Variants in DACH2 observed in about 807,000 individuals in gnomAD.
The protein encoded by DACH2 is dachshund family transcription factor 2, also known as dachshund homolog 2.
DACH2 carries 17 observed loss-of-function variants against 35.8 expected under a neutral mutation model. The ratio of observed to expected loss-of-function variants is 0.48; its 90% CI spans 0.33 to 0.71. The LOEUF (loss-of-function observed/expected upper bound fraction) is 0.71, where lower values mean the gene tolerates loss of function less well. Ranked by LOEUF, DACH2 falls within the 30% of genes least tolerant of loss-of-function variation. The pLI, the probability that DACH2 is intolerant of heterozygous loss-of-function variation, is 0.02. For synonymous variants in DACH2, 195 were observed against 177.3 expected (o/e 1.10, Z -0.79); for missense variants, 469 against 472.7 (o/e 0.99, Z 0.07).
intron 4 of DACH2, among the ~76,000 whole-genome samples, chrX:86,656,007 C>G (rs976063708): frequency 8.7e-5 from 9 of 103,181 alleles, no homozygotes; most frequent in African/African-American, 3.2e-4. Flanking sequence ...TTGTCCAGTG[C>G]GAAGAGACCA....
intron 5 of DACH2, among the ~76,000 whole-genome samples, chrX:86,705,567 A>T (rs2041206839): frequency 9.0e-6 from 1 of 111,320 alleles, no homozygotes; most frequent in African/African-American, 3.3e-5. Context: ...GCCAGAATGG[A>T]TATTATTAAA....
chrX:86,208,068 C>A (rs2032358813), intron 1 of DACH2, among the ~76,000 whole-genome samples: 2 of 110,363 alleles, frequency 1.8e-5, no homozygotes, highest in African/African-American at 6.6e-5. Context: ...TTCAGTCTGC[C>A]CTCTATAGTA....
chrX:86,334,118 G>A (rs1417609270), intron 1 of DACH2, among the ~76,000 whole-genome samples: 1 of 112,138 alleles, frequency 8.9e-6, no homozygotes, highest in Non-Finnish European at 1.9e-5. Flanking sequence ...GTATTCCATG[G>A]TGTATATGTG....
At chrX:86,309,499 A>G (rs2034755899) in intron 1 of DACH2, among the ~76,000 whole-genome samples, 1 of 111,820 alleles carries the variant, frequency 8.9e-6, no homozygotes, top group Admixed American at 9.5e-5. Context: ...ATTTTTGGAG[A>G]GCCCTTAGTC....
At chrX:86,759,600 C>A (rs1333893117) in intron 7 of DACH2, among the ~76,000 whole-genome samples, 1 of 104,823 alleles carries the variant, frequency 9.5e-6, no homozygotes, top group Non-Finnish European at 2.0e-5. Context: ...TAGTCTATAT[C>A]TTTTAAGTGA....
intron 3 of DACH2, among the ~76,000 whole-genome samples, chrX:86,619,024 C>T (rs1284240218): frequency 1.8e-5 from 2 of 112,154 alleles, no homozygotes; most frequent in African/African-American, 6.4e-5. Context: ...CTATTCATAT[C>T]AACTTGCAAT....
chrX:86,810,852 T>TAA (rs998854304), intron 7 of DACH2, among the ~76,000 whole-genome samples: 1 of 105,849 alleles, frequency 9.4e-6, no homozygotes, highest in African/African-American at 3.4e-5. Context: ...ACTGACTTTA[T>TAA]AAAAAAAAAA....
At chrX:86,395,106 C>A (rs1269092144) in intron 2 of DACH2, among the ~76,000 whole-genome samples, 2 of 111,436 alleles carry the variant, frequency 1.8e-5, no homozygotes, top group Non-Finnish European at 3.8e-5. Flanking sequence ...GTAAAAAGGG[C>A]AGTATCATAA....
At chrX:86,517,212 A>G (rs2038481998) in intron 3 of DACH2, among the ~76,000 whole-genome samples, 1 of 111,371 alleles carries the variant, frequency 9.0e-6, no homozygotes, top group Non-Finnish European at 1.9e-5. Context: ...ACTCGTCAGC[A>G]TGTTTTTTGA....
intron 6 of DACH2, among the ~76,000 whole-genome samples, chrX:86,720,651 G>A (rs1359754276): frequency 8.9e-6 from 1 of 111,942 alleles, no homozygotes; most frequent in East Asian, 2.8e-4. Flanking sequence ...AGTGTCTGTG[G>A]CTTTTCCAGG....
intron 7 of DACH2, among the ~76,000 whole-genome samples, chrX:86,766,382 G>T (rs1161315375): frequency 8.9e-6 from 1 of 111,888 alleles, no homozygotes; most frequent in African/African-American, 3.2e-5. Flanking sequence ...TGCAGCATTT[G>T]CTGAATTCGA....
rs960555856 is a variant in DACH2, at chrX:86,311,271, G to A, written c.489-65553G>A. 3.6e-5 allele frequency among the ~76,000 whole-genome samples: 4 copies of A among 111,873 alleles called. No individual in the cohort carries two copies. The East Asian group carries it at 1.1e-3, about 32-fold the overall frequency. ...CACGGAATGCCTTATCCACCATCAC[G>A]GTATTCCACACAGCATTGCCTCTGA... On this transcript the variant is annotated intron_variant, in intron 1 of 11. Transcript: ENST00000373125.
chrX:86,313,722 G>A (rs1010071157), intron 1 of DACH2, among the ~76,000 whole-genome samples: 4 of 111,453 alleles, frequency 3.6e-5, no homozygotes, highest in South Asian at 3.8e-4. Context: ...TGATCCATTA[G>A]CAACTTCAAA....
intron 2 of DACH2, among the ~76,000 whole-genome samples, chrX:86,400,214 C>T (rs1191724212): frequency 1.8e-5 from 2 of 111,614 alleles, no homozygotes; most frequent in Non-Finnish European, 3.8e-5. Context: ...ATTCTCATGC[C>T]GTGGTTTTCA....
intron 2 of DACH2, among the ~76,000 whole-genome samples, chrX:86,503,730 A>G (rs1005905748): frequency 4.5e-5 from 5 of 112,098 alleles, no homozygotes; most frequent in Non-Finnish European, 9.4e-5. Context: ...TAAACAAAAG[A>G]TATGTTATAA....
chrX:86,420,153 G>A (rs867998317), intron 2 of DACH2, among the ~76,000 whole-genome samples: 37 of 111,935 alleles, frequency 3.3e-4, no homozygotes, highest in Middle Eastern at 4.6e-3. Context: ...AAGGAATAAA[G>A]CAAAGTGGCT....
intron 3 of DACH2, among the ~76,000 whole-genome samples, chrX:86,606,396 AT>A (rs1406099592): frequency 9.7e-6 from 1 of 103,110 alleles, no homozygotes; most frequent in Non-Finnish European, 2.0e-5. Flanking sequence ...TTCCATTATC[AT>A]TTGTTTCAAG....
At chrX:86,362,152 C>A (rs766699852) in intron 1 of DACH2, among the ~76,000 whole-genome samples, 9 of 110,983 alleles carry the variant, frequency 8.1e-5, no homozygotes, top group Non-Finnish European at 1.5e-4. Flanking sequence ...GGATTTAGAA[C>A]AATGCTAGAT....
In DACH2 at chrX:86,455,799, A is replaced by G. The variant is rs771342549; in HGVS notation, c.528-58480A>G. ...TTGACGTGCTGTGGAAGTGGGGCCCACAGAACAATGCTGCTTGGCTCCCTG... is the reference window on the plus strand; with the variant it reads ...TTGACGTGCTGTGGAAGTGGGGCCCGCAGAACAATGCTGCTTGGCTCCCTG... On this transcript the variant is annotated intron_variant, in intron 2 of 11. Coordinates refer to ENST00000373125, the MANE Select transcript of DACH2 (RefSeq NM_053281.3). 2.7e-5 allele frequency among the ~76,000 whole-genome samples: 3 copies of G among 112,393 alleles called. No individual in the cohort carries two copies. In the South Asian group the frequency reaches 1.1e-3, roughly 41 times the overall value.
Sources: gnomAD v4.1 joint callset for allele counts (sites outside exome capture counted in the v4.1 genomes callset) on GRCh38, gnomAD v4.1.1 for gene constraint, MANE v1.5 for transcripts, NCBI Gene and HGNC (gene_info 2026-07-23, HGNC 2026-07-21) for gene names.